DNAJB6: variants seen among roughly 807,000 people sequenced by gnomAD.
DNAJB6 encodes the protein dnaJ homolog subfamily B member 6.
Under a neutral mutation model 42.7 loss-of-function variants are expected in DNAJB6, and 16 were observed. The observed-to-expected ratio is 0.37, with a 90% CI of 0.25 to 0.57. DNAJB6 has a LOEUF of 0.57. Among genes scored for constraint, DNAJB6 ranks in the 20% least tolerant of loss-of-function variants. The pLI is 0.74. For missense variants in DNAJB6, 347 were observed against 416.8 expected (o/e 0.83, Z 1.46); for synonymous variants, 170 against 163.5 (o/e 1.04, Z -0.30).
chr7:157,351,474 A>G (rs1044592003), intron 1 of DNAJB6, among the ~76,000 whole-genome samples: 11 of 148,784 alleles, frequency 7.4e-5, no homozygotes, highest in African/African-American at 2.7e-4. Flanking sequence ...CTAAAAATAC[A>G]AAAAAAAAAT....
chr7:157,382,154 T>G, intron 5 of DNAJB6, 92 bp from the exon 6 acceptor site: 1 of 1,418,522 alleles, frequency 7.0e-7, no homozygotes, highest in Non-Finnish European at 9.4e-7. Flanking sequence ...CTGAATATGT[T>G]ACAAACATCT....
chr7:157,407,440 C>T (rs1795812746), intron 8 of DNAJB6, among the ~76,000 whole-genome samples: 1 of 152,218 alleles, frequency 6.6e-6, no homozygotes, highest in South Asian at 2.1e-4. Context: ...AAATGTTCTA[C>T]TTTAGTTGGC....
At chr7:157,342,797 A>AAT (rs2116856646) in intron 1 of DNAJB6, among the ~76,000 whole-genome samples, 1 of 152,248 alleles carries the variant, frequency 6.6e-6, no homozygotes, top group South Asian at 2.1e-4. Flanking sequence ...GGAAGTATCT[A>AAT]ATAGGTGATG....
At position 157,362,170 on chromosome 7, in the gene DNAJB6, C is replaced by CG. The variant is rs1315367967; in HGVS notation, c.66-991_66-990insG. On this transcript the variant is annotated intron_variant, in intron 2 of 9. Transcript: ENST00000262177. ...CTTTGTAGAAGTCAGTGTTTTAACTCTGTTTAGATCTTGAATCTGGCACAG... is the reference window on the plus strand; with the variant it reads ...CTTTGTAGAAGTCAGTGTTTTAACTCGTGTTTAGATCTTGAATCTGGCACAG... Among the ~76,000 whole-genome samples the CG allele has an allele frequency of 7.9e-5, 12 of 152,222 alleles. No homozygotes were observed. The East Asian group carries it at 2.3e-3, about 29-fold the overall frequency.
At chr7:157,366,200 C>T (rs1409046540) in intron 3 of DNAJB6, among the ~76,000 whole-genome samples, 2 of 152,140 alleles carry the variant, frequency 1.3e-5, no homozygotes, top group Admixed American at 6.5e-5. Context: ...ATCTGCCCAC[C>T]TTGGCCTCCC....
intron 3 of DNAJB6, 44 bp from the exon 4 acceptor site, chr7:157,366,458 T>TTTAAAAGGG: frequency 6.4e-7 from 1 of 1,570,426 alleles, no homozygotes; most frequent in Non-Finnish European, 8.8e-7. Context: ...GAATTAAGGG[T>TTTAAAAGGG]TTAAAAGGAA....
chr7:157,350,230 C>T (rs569462118), intron 1 of DNAJB6, among the ~76,000 whole-genome samples: 27 of 152,238 alleles, frequency 1.8e-4, no homozygotes, highest in South Asian at 6.2e-4. Context: ...TAAGACATTA[C>T]GACATTGGAG....
At position 157,409,998 on chromosome 7, in the gene DNAJB6, G is replaced by A. The variant is rs1334407960; in HGVS notation, c.895G>A (p.Ala299Thr). Residue 299 changes from alanine to threonine, a missense_variant, in exon 9 of 10, where the codon GCA becomes ACA. Physicochemically the swap from Ala to Thr is moderately conservative, Grantham distance 58. Transcript: ENST00000262177. Reference protein sequence around the residue: ...PGPWDPLASAAGLKEGGKRKK... With the variant: ...PGPWDPLASATGLKEGGKRKK... ...GCCCTGGGACCCCCTCGCGTCCGCAGCAGGTGTGCAAAGGGAGGCAGCCGT... is the reference window on the plus strand; with the variant it reads ...GCCCTGGGACCCCCTCGCGTCCGCAACAGGTGTGCAAAGGGAGGCAGCCGT... 6.5e-7 allele frequency: 1 copy of A among 1,528,698 alleles called. No individual in the cohort carries two copies. Among genetic ancestry groups the A allele is most frequent in the Non-Finnish European group, 8.8e-7 (1 of 1,140,662 alleles). The allele number at this position is 1,528,698 out of a possible 1,614,324, so 94.7% of individuals were successfully genotyped here. A position where few individuals can be genotyped will look rare whatever the true frequency, so the allele number is the denominator to read the frequency against.
chr7:157,390,661 G>A lies in DNAJB6; in HGVS notation c.691+5050G>A, dbSNP rs769499758. 4.5e-4 allele frequency among the ~76,000 whole-genome samples: 68 copies of A among 152,242 alleles called. 1 individual carries two copies. The highest frequency in any genetic ancestry group is 8.8e-4 in the Non-Finnish European group (60 of 68,022). The stretch of plus-strand genomic sequence containing the variant: ...GGGGATGTGGTTTGCTTCCCGTGTG[G>A]TCAGCGCTGTGCTGCGAGCTCTGAG... On this transcript the variant is annotated intron_variant, in intron 8 of 9. Transcript: ENST00000262177.
intron 8 of DNAJB6, among the ~76,000 whole-genome samples, chr7:157,403,971 TG>T (rs1196276235): frequency 6.6e-6 from 1 of 151,906 alleles, no homozygotes; most frequent in Non-Finnish European, 1.5e-5. Context: ...TTCAGCCTAC[TG>T]TGCAGGGTTT....
At chr7:157,365,700 C>A (rs773632874) in intron 3 of DNAJB6, among the ~76,000 whole-genome samples, 4 of 151,906 alleles carry the variant, frequency 2.6e-5, no homozygotes, top group Non-Finnish European at 5.9e-5. Flanking sequence ...GAGTTTTGCT[C>A]GTTGCCCAGG....
chr7:157,346,233 G>T (rs1419616261), intron 1 of DNAJB6, among the ~76,000 whole-genome samples: 1 of 145,620 alleles, frequency 6.9e-6, no homozygotes, highest in Non-Finnish European at 1.5e-5. Flanking sequence ...TTTAAGAAAT[G>T]AATCCATGTA....
chr7:157,407,954 GCT>G (rs532319401), intron 8 of DNAJB6, among the ~76,000 whole-genome samples: 24 of 152,322 alleles, frequency 1.6e-4, no homozygotes, highest in African/African-American at 4.6e-4. Flanking sequence ...CTCAGGAAGT[GCT>G]GTGTGTGCAT....
At chr7:157,376,900 A>G (rs1435424567) in intron 5 of DNAJB6, among the ~76,000 whole-genome samples, 2 of 152,168 alleles carry the variant, frequency 1.3e-5, no homozygotes. Flanking sequence ...ACAAACAAAA[A>G]GAAATACATT....
intron 5 of DNAJB6, among the ~76,000 whole-genome samples, chr7:157,369,787 T>C (rs1051625862): frequency 4.0e-5 from 6 of 150,776 alleles, no homozygotes; most frequent in African/African-American, 1.5e-4. Context: ...TTCATAACAT[T>C]ATTATTAAAC....
chr7:157,341,534 G>C (rs1401555345), intron 1 of DNAJB6, among the ~76,000 whole-genome samples: 1 of 152,048 alleles, frequency 6.6e-6, no homozygotes, highest in Non-Finnish European at 1.5e-5. Flanking sequence ...CTTACCTTTT[G>C]CCACCAAAGG....
intron 1 of DNAJB6, among the ~76,000 whole-genome samples, chr7:157,341,955 C>G (rs1297523193): frequency 2.0e-5 from 3 of 152,270 alleles, no homozygotes; most frequent in Admixed American, 6.5e-5. Flanking sequence ...CAACCTCCAC[C>G]TCTGGGGTTC....
At chr7:157,408,939 C>T (rs1379843506) in intron 8 of DNAJB6, among the ~76,000 whole-genome samples, 1 of 152,198 alleles carries the variant, frequency 6.6e-6, no homozygotes, top group Non-Finnish European at 1.5e-5. Flanking sequence ...GTTTTAGGCA[C>T]ATTTTAGAGT....
At chr7:157,406,902 G>A (rs540290545) in intron 8 of DNAJB6, among the ~76,000 whole-genome samples, 3 of 152,348 alleles carry the variant, frequency 2.0e-5, no homozygotes, top group South Asian at 2.1e-4. Context: ...AAGGCAGCGC[G>A]TTTCTCTTCC....
Sources: allele counts gnomAD v4.1 joint callset (sites outside exome capture counted in the v4.1 genomes callset), GRCh38; gene constraint gnomAD v4.1.1; transcripts MANE v1.5; gene names NCBI Gene and HGNC (gene_info 2026-07-23, HGNC 2026-07-21).